The following AFF2 variants were observed in gnomAD, a reference collection of about 807,000 sequenced individuals.
The protein encoded by AFF2 is ALF transcription elongation factor 2.
Under a neutral mutation model 76.9 loss-of-function variants are expected in AFF2, and 14 were observed. The ratio of observed to expected loss-of-function variants is 0.18; its 90% CI spans 0.12 to 0.28. AFF2 has a LOEUF of 0.28. Ranked by LOEUF, AFF2 falls within the 10% of genes least tolerant of loss-of-function variation. AFF2 has a pLI of 1.00. For missense variants in AFF2, 868 were observed against 1,001.1 expected (o/e 0.87, Z 1.79); for synonymous variants, 398 against 366.7 (o/e 1.09, Z -0.98).
chrX:148,918,721 A>T (rs1198433181), intron 9 of AFF2, among the ~76,000 whole-genome samples: 4 of 111,518 alleles, frequency 3.6e-5, no homozygotes, highest in Non-Finnish European at 5.7e-5. Flanking sequence ...ACATCTGCGA[A>T]CTCTGGTGAC....
Position 148,652,134 on chromosome X carries a change from A to G in AFF2, c.180+3A>G. The G allele has an allele frequency of 8.5e-7, 1 of 1,180,165 alleles. No individual in the cohort carries two copies. Among genetic ancestry groups the G allele is most frequent in the Non-Finnish European group, 1.1e-6 (1 of 874,814 alleles). On this transcript the variant is annotated splice_donor_region_variant and intron_variant, in intron 2 of 20. Transcript: ENST00000370460. ...AGCCATACAAGGTAGCTGAATATGT[A>G]TGTAATTTTTCTTTCTGGAAAATGG...
At chrX:148,631,701 C>T (rs1206909809) in intron 1 of AFF2, among the ~76,000 whole-genome samples, 1 of 112,416 alleles carries the variant, frequency 8.9e-6, no homozygotes, top group Admixed American at 9.4e-5. Context: ...GGGAGGAGGG[C>T]ATGGGCCAGA....
At chrX:148,555,002 C>A (rs1269666692) in intron 1 of AFF2, among the ~76,000 whole-genome samples, 1 of 112,331 alleles carries the variant, frequency 8.9e-6, no homozygotes, top group African/African-American at 3.2e-5. Context: ...GGGTCTTAGC[C>A]CTGTCTCTGC....
chrX:148,728,793 G>C (rs187572958), intron 3 of AFF2, among the ~76,000 whole-genome samples: 1 of 112,037 alleles, frequency 8.9e-6, no homozygotes, highest in African/African-American at 3.2e-5. Context: ...ATATCCACTA[G>C]GTGAGTAAAT....
At chrX:148,807,100 G>C (rs1269212841) in intron 3 of AFF2, among the ~76,000 whole-genome samples, 7 of 112,036 alleles carry the variant, frequency 6.2e-5, no homozygotes, top group Non-Finnish European at 1.1e-4. Flanking sequence ...TGTCTGTCCT[G>C]AGTGCTGCCG....
At chrX:148,846,957 G>C (rs368038212) in intron 7 of AFF2, among the ~76,000 whole-genome samples, 4 of 111,431 alleles carry the variant, frequency 3.6e-5, no homozygotes, top group East Asian at 2.8e-4. Flanking sequence ...CTGGAGTGCA[G>C]TGGCAGGATC....
intron 4 of AFF2, among the ~76,000 whole-genome samples, chrX:148,816,838 A>G (rs1346667248): frequency 9.3e-6 from 1 of 108,104 alleles, no homozygotes; most frequent in Non-Finnish European, 1.9e-5. Context: ...AATTCCTGCT[A>G]GTCTGGAATT....
intron 1 of AFF2, among the ~76,000 whole-genome samples, chrX:148,627,838 C>A (rs2053942066): frequency 9.0e-6 from 1 of 111,499 alleles, no homozygotes; most frequent in South Asian, 3.7e-4. Flanking sequence ...CATTGGAGGG[C>A]CAGGCAGAAA....
chrX:148,507,495 A>G (rs1201218688), intron 1 of AFF2, among the ~76,000 whole-genome samples: 1 of 111,680 alleles, frequency 9.0e-6, no homozygotes, highest in Non-Finnish European at 1.9e-5. Context: ...ATCTGAGGAA[A>G]ATATGAGTGG....
rs1053635916 is a variant in AFF2 at position 148,744,026 on chromosome X, T to C, written c.1042-65850T>C. On this transcript the variant is annotated intron_variant, in intron 3 of 20. Transcript: ENST00000370460. Reference sequence around the variant, plus strand: ...TTTCTACCATGGTAGGATTTCTGTATAGAAACAGCCCAAGGAATCATATCT... The same window carrying C: ...TTTCTACCATGGTAGGATTTCTGTACAGAAACAGCCCAAGGAATCATATCT... Among the ~76,000 whole-genome samples the C allele has an allele frequency of 1.5e-4, 17 of 111,417 alleles. No homozygotes were observed. In the Admixed American group the frequency reaches 1.6e-3, roughly 11 times the overall value.
chrX:148,555,787 T>G (rs2053045424), intron 1 of AFF2, among the ~76,000 whole-genome samples: 1 of 112,621 alleles, frequency 8.9e-6, no homozygotes, highest in Non-Finnish European at 1.9e-5. Flanking sequence ...ATTTTCAGCC[T>G]TGGAATATTC....
Position 148,958,329 on chromosome X carries a change from T to C in AFF2, c.2569-8T>C, listed in dbSNP as rs781995464. 5.0e-6 allele frequency: 6 copies of C among 1,210,897 alleles called. No homozygotes were observed. In the South Asian group the frequency reaches 1.1e-4, roughly 21 times the overall value. On this transcript the variant is annotated splice_polypyrimidine_tract_variant and splice_region_variant and intron_variant, in intron 11 of 20. Coordinates refer to ENST00000370460, the MANE Select transcript of AFF2 (RefSeq NM_002025.4). ...TTCAAGCTCTGTGTATTTTTTTCCC[T>C]GTTAAAGCCAATAGAAGTTGCAGAG...
rs145756055 is a variant in AFF2 at position 148,966,851 on chromosome X, C to T, written c.2975C>T (p.Ala992Val). The T allele has an allele frequency of 5.8e-6, 7 of 1,209,017 alleles. No individual in the cohort carries two copies. The highest frequency in any genetic ancestry group is 7.8e-6 in the Non-Finnish European group (7 of 895,079). The change falls in exon 14 of 21, where the codon GCC (alanine) becomes GTC (valine). Residue 992 changes from alanine to valine, a missense_variant. This residue lies in a region of AFF2 where 532 missense variants were observed against 564.2 expected (regional missense o/e 0.94). Transcript: ENST00000370460. ...ATITVTNTAI[A>V]TATVTATAIV... The stretch of plus-strand genomic sequence containing the variant: ...ATCACTGTCACCAATACTGCTATTG[C>T]CACTGCTACTGTCACTGCTACTGCC...
intron 1 of AFF2, among the ~76,000 whole-genome samples, chrX:148,572,840 T>C (rs1557242736): frequency 9.0e-6 from 1 of 111,377 alleles, no homozygotes; most frequent in Non-Finnish European, 1.9e-5. Context: ...GTGGTGTTTG[T>C]TGCACATCTG....
intron 3 of AFF2, among the ~76,000 whole-genome samples, chrX:148,735,669 T>C (rs1246053573): frequency 1.8e-5 from 2 of 111,271 alleles, no homozygotes; most frequent in Non-Finnish European, 1.9e-5. Flanking sequence ...TTTGGTTGCA[T>C]GTGTAAGTTT....
chrX:148,579,032 C>T (rs782761893), intron 1 of AFF2, among the ~76,000 whole-genome samples: 86 of 111,763 alleles, frequency 7.7e-4, no homozygotes, highest in African/African-American at 2.4e-3. Flanking sequence ...CTAGGCTACA[C>T]GTTAGCCATG....
At chrX:148,671,310 A>G (rs1157386392) in intron 3 of AFF2, among the ~76,000 whole-genome samples, 1 of 112,283 alleles carries the variant, frequency 8.9e-6, no homozygotes, top group African/African-American at 3.2e-5. Flanking sequence ...GCACTATTTG[A>G]TAATTTTAGT....
At chrX:148,762,409 G>GTATATATATATA (rs372864201) in intron 3 of AFF2, among the ~76,000 whole-genome samples, 6,187 of 86,540 alleles carry the variant, frequency 0.071, 283 homozygotes, top group Non-Finnish European at 0.093. Flanking sequence ...GTATTCTATG[G>GTATATATATATA]TATATATATA....
chrX:148,731,253 T>C (rs1449846425), intron 3 of AFF2, among the ~76,000 whole-genome samples: 1 of 111,618 alleles, frequency 9.0e-6, no homozygotes, highest in Non-Finnish European at 1.9e-5. Context: ...AAAGCACCAG[T>C]CCCAAAGGAC....
Sources: gnomAD v4.1 joint callset for allele counts (sites outside exome capture counted in the v4.1 genomes callset) on GRCh38, gnomAD v4.1.1 for gene constraint, gnomAD v4.1.1 regional missense constraint, MANE v1.5 for transcripts, NCBI Gene and HGNC (gene_info 2026-07-23, HGNC 2026-07-21) for gene names.